Variants in ARHGAP31 observed in about 807,000 individuals in gnomAD.
The protein encoded by ARHGAP31 is Rho GTPase activating protein 31.
A neutral mutation model predicts 113.9 loss-of-function variants in ARHGAP31; 34 were observed. That is an observed-to-expected ratio of 0.30 (90% CI 0.23 to 0.40). The LOEUF (loss-of-function observed/expected upper bound fraction) is 0.40. Ranked by LOEUF, ARHGAP31 falls within the 10% of genes least tolerant of loss-of-function variation. The pLI is 1.00. For missense variants in ARHGAP31, 1,548 were observed against 1,767.1 expected (o/e 0.88, Z 2.22); for synonymous variants, 650 against 684.8 (o/e 0.95, Z 0.79).
chr3:119,382,339 G>A lies in ARHGAP31; in HGVS notation c.479G>A (p.Ser160Asn). The A allele has an allele frequency of 6.2e-7, 1 of 1,614,132 alleles. No homozygotes were observed. Among genetic ancestry groups the A allele is most frequent in the Non-Finnish European group, 8.5e-7 (1 of 1,180,020 alleles). ...IRHLAHIASF[S>N]SKTNMHARNL... Reference sequence around the variant, plus strand: ...CACCTGGCCCATATCGCCTCCTTCAGCAGCAAGACCAACATGCACGCCCGG... The same window carrying A: ...CACCTGGCCCATATCGCCTCCTTCAACAGCAAGACCAACATGCACGCCCGG... The change falls in exon 5 of 12, where the codon AGC (serine) becomes AAC (asparagine). Residue 160 changes from serine (S) to asparagine (N), a missense_variant. Transcript: ENST00000264245.
At chr3:119,375,790 C>T (rs2080341269) in intron 3 of ARHGAP31, among the ~76,000 whole-genome samples, 1 of 152,082 alleles carries the variant, frequency 6.6e-6, no homozygotes, top group Non-Finnish European at 1.5e-5. Context: ...TTTAATTAAA[C>T]TTGTCACCTG....
intron 6 of ARHGAP31, among the ~76,000 whole-genome samples, chr3:119,383,761 A>G (rs2080424019): frequency 6.6e-6 from 1 of 152,248 alleles, no homozygotes; most frequent in South Asian, 2.1e-4. Flanking sequence ...GGCAGTAGGC[A>G]TACAAAAATG....
intron 6 of ARHGAP31, among the ~76,000 whole-genome samples, chr3:119,388,308 TTA>T (rs58420826): frequency 8.2e-5 from 11 of 133,742 alleles, no homozygotes; most frequent in Non-Finnish European, 9.8e-5. Context: ...TGTATAATTT[TTA>T]TATATATATA....
chr3:119,299,471 A>G (rs1046990050), intron 1 of ARHGAP31, among the ~76,000 whole-genome samples: 4 of 152,256 alleles, frequency 2.6e-5, no homozygotes, highest in African/African-American at 7.2e-5. Context: ...GGGAAGGTTC[A>G]TAACAAATAA....
intron 5 of ARHGAP31, 39 bp downstream of exon 5, chr3:119,382,438 G>A (rs551323366): frequency 1.0e-5 from 16 of 1,560,790 alleles, no homozygotes; most frequent in Non-Finnish European, 1.3e-5. Context: ...AGCCCAGGGG[G>A]CTCAGAGCAG....
intron 1 of ARHGAP31, among the ~76,000 whole-genome samples, chr3:119,297,662 T>C (rs992830292): frequency 6.6e-6 from 1 of 152,146 alleles, no homozygotes; most frequent in Non-Finnish European, 1.5e-5. Context: ...GCTCAGGGCA[T>C]CTGAACATGG....
At chr3:119,313,435 G>C (rs772876898) in intron 1 of ARHGAP31, among the ~76,000 whole-genome samples, 2 of 152,130 alleles carry the variant, frequency 1.3e-5, no homozygotes, top group Non-Finnish European at 2.9e-5. Flanking sequence ...TTGAATATAT[G>C]AGCCACGTAT....
intron 1 of ARHGAP31, among the ~76,000 whole-genome samples, chr3:119,350,927 G>A (rs1049204604): frequency 6.6e-6 from 1 of 152,150 alleles, no homozygotes; most frequent in African/African-American, 2.4e-5. Flanking sequence ...GATAGAAACC[G>A]AATCTGCCTT....
chr3:119,381,070 C>T, intron 4 of ARHGAP31, 84 bp downstream of exon 4: 1 of 1,352,626 alleles, frequency 7.4e-7, no homozygotes, highest in Admixed American at 1.8e-5. Flanking sequence ...GGAAAGGAAA[C>T]AATGTGTGGA....
chr3:119,370,448 A>G (rs1457501227), intron 3 of ARHGAP31, among the ~76,000 whole-genome samples: 1 of 152,224 alleles, frequency 6.6e-6, no homozygotes, highest in Non-Finnish European at 1.5e-5. Context: ...TGCAAAAATT[A>G]AAGTAATACA....
chr3:119,405,660 TAAAG>T (rs960002639), intron 10 of ARHGAP31, among the ~76,000 whole-genome samples: 2 of 152,236 alleles, frequency 1.3e-5, no homozygotes, highest in Admixed American at 1.3e-4. Context: ...TAGCTCCAAA[TAAAG>T]AAGAGGATAG....
chr3:119,368,363 T>C lies in ARHGAP31; in HGVS notation c.204-9T>C. The C allele has an allele frequency of 6.2e-7, 1 of 1,614,124 alleles. No individual in the cohort carries two copies. The highest frequency in any genetic ancestry group is 8.5e-7 in the Non-Finnish European group (1 of 1,180,004). ...TGGGATTGTTATGTCTCCGTCTGTG[T>C]TGTTTCAGGCAAGAGTTTGGCTCAG... On this transcript the variant is annotated splice_polypyrimidine_tract_variant and intron_variant, in intron 2 of 11. Transcript: ENST00000264245.
At chr3:119,397,096 T>C (rs920296948) in intron 8 of ARHGAP31, among the ~76,000 whole-genome samples, 1 of 152,170 alleles carries the variant, frequency 6.6e-6, no homozygotes, top group East Asian at 1.9e-4. Context: ...AGTACACCTC[T>C]GTGAGGCCAG....
At position 119,414,559 on chromosome 3, in the gene ARHGAP31, A is replaced by T. The variant is rs1422929393; in HGVS notation, c.2630A>T (p.Asp877Val). The T allele has an allele frequency of 6.2e-7, 1 of 1,614,088 alleles. No individual in the cohort carries two copies. Among genetic ancestry groups the T allele is most frequent in the Non-Finnish European group, 8.5e-7 (1 of 1,180,042 alleles). Residue 877 changes from aspartate (D) to valine (V), a missense_variant, in exon 12 of 12, where the codon GAT becomes GTT. Asp to Val is a radical substitution (Grantham distance 152). Coordinates refer to ENST00000264245, the MANE Select transcript of ARHGAP31 (RefSeq NM_020754.4). Reference protein sequence around the residue: ...EVEIVSQEEEDVTHSVQEPSD... With the variant: ...EVEIVSQEEEVVTHSVQEPSD... ...GAGATCGTCTCACAAGAAGAGGAGG[A>T]TGTAACCCATTCAGTACAGGAGCCT...
chr3:119,398,114 T>A (rs979669583), intron 8 of ARHGAP31, among the ~76,000 whole-genome samples: 2 of 151,866 alleles, frequency 1.3e-5, no homozygotes, highest in Non-Finnish European at 2.9e-5. Context: ...AAAATTTTTT[T>A]AAATTAGCCA....
Position 119,414,524 on chromosome 3 carries a change from C to T in ARHGAP31, c.2595C>T (p.Thr865=), listed in dbSNP as rs1203177637. The change falls in exon 12 of 12, where the codon ACC becomes ACT. Residue 865 remains threonine, a synonymous_variant. Coordinates refer to ENST00000264245, the MANE Select transcript of ARHGAP31 (RefSeq NM_020754.4). The part of the protein sequence containing the change: ...EGKGCGFPSP[T]REVEIVSQEE... ...AAGGCTGTGGTTTTCCAAGCCCAAC[C>T]AGGGAGGTTGAGATCGTCTCACAAG... The T allele has an allele frequency of 6.2e-7, 1 of 1,614,210 alleles. No homozygotes were observed. Among genetic ancestry groups the T allele is most frequent in the Non-Finnish European group, 8.5e-7 (1 of 1,180,044 alleles).
intron 1 of ARHGAP31, among the ~76,000 whole-genome samples, chr3:119,357,075 C>T (rs191072759): frequency 6.6e-6 from 1 of 152,258 alleles, no homozygotes; most frequent in Admixed American, 6.5e-5. Context: ...AACTTAGGTA[C>T]CTTTGCCAAT....
chr3:119,334,008 C>A (rs78921831), intron 1 of ARHGAP31, among the ~76,000 whole-genome samples: 3 of 152,206 alleles, frequency 2.0e-5, no homozygotes, highest in African/African-American at 4.8e-5. Context: ...TGCACAGCAT[C>A]TTGGAGAAGG....
At chr3:119,382,950 C>T in intron 5 of ARHGAP31, 134 bp from the exon 6 acceptor site, 3 of 1,229,742 alleles carry the variant, frequency 2.4e-6, no homozygotes, top group Non-Finnish European at 2.4e-6. Flanking sequence ...TTAATTGGCC[C>T]TAAATAATTA....
Sources: gnomAD v4.1 joint callset for allele counts (sites outside exome capture counted in the v4.1 genomes callset) on GRCh38, gnomAD v4.1.1 for gene constraint, MANE v1.5 for transcripts, NCBI Gene and HGNC (gene_info 2026-07-23, HGNC 2026-07-21) for gene names.